Variants in CASD1 observed in about 807,000 individuals in gnomAD.
CASD1 encodes N-acetylneuraminate (7)9-O-acetyltransferase.
CASD1 carries 41 observed loss-of-function variants against 100.0 expected under a neutral mutation model. That is an observed-to-expected ratio of 0.41 (90% CI 0.32 to 0.53). The LOEUF is 0.53. Ranked by LOEUF, CASD1 falls within the 20% of genes least tolerant of loss-of-function variation. CASD1 has a pLI of 0.25. For missense variants in CASD1, 774 were observed against 948.7 expected, an observed-to-expected ratio of 0.82 and a Z score of 2.42; for synonymous variants, 321 against 315.6, an observed-to-expected ratio of 1.02 and a Z score of -0.18.
intron 10 of CASD1, among the ~76,000 whole-genome samples, chr7:94,542,894 C>T (rs902650826): frequency 2.0e-5 from 3 of 152,028 alleles, no homozygotes; most frequent in African/African-American, 7.2e-5. Flanking sequence ...TCTAATAAGT[C>T]ATTTAAAAAG....
intron 1 of CASD1, among the ~76,000 whole-genome samples, chr7:94,512,569 T>C (rs147878430): frequency 2.6e-5 from 4 of 152,360 alleles, no homozygotes; most frequent in African/African-American, 9.6e-5. Flanking sequence ...TGGCGAATAC[T>C]GTGTGCTAAC....
At chr7:94,561,772 G>A (rs1183172546), downstream of CASD1, among the ~76,000 whole-genome samples, 4 of 152,020 alleles carry the variant, frequency 2.6e-5, no homozygotes, top group Admixed American at 6.6e-5. Context: ...GTCATGAACC[G>A]TCAGCTAGCT....
the CASD1 span, chr7:94,621,860 G>A: frequency 6.6e-6 from 1 of 152,166 alleles, no homozygotes; most frequent in African/African-American, 2.4e-5. Context: ...AAAAGCCTTT[G>A]GGGAGTGGCA....
At chr7:94,629,569 T>G in the CASD1 span, 1 of 740,704 alleles carries the variant, frequency 1.4e-6, no homozygotes, top group Non-Finnish European at 2.3e-6. Context: ...ATTTCTAATC[T>G]GTAAATGAGA....
At chr7:94,603,427 C>T in the CASD1 span, 1 of 1,613,332 alleles carries the variant, frequency 6.2e-7, no homozygotes, top group Non-Finnish European at 8.5e-7. Context: ...GAAAACGGGA[C>T]ATCTGCACCA....
chr7:94,549,730 A>T, intron 14 of CASD1, 96 bp downstream of exon 14: 3 of 880,266 alleles, frequency 3.4e-6, no homozygotes, highest in Non-Finnish European at 5.2e-6. Flanking sequence ...TTCAGAATAA[A>T]TAAAGATGTT....
At chr7:94,555,431 A>C in intron 17 of CASD1, 61 bp from the exon 18 acceptor site, 1 of 1,500,624 alleles carries the variant, frequency 6.7e-7, no homozygotes, top group Non-Finnish European at 9.0e-7. Flanking sequence ...TAAATTAGGG[A>C]AAACTGTAAT....
chr7:94,541,616 G>T (rs1795408360), intron 10 of CASD1, among the ~76,000 whole-genome samples: 1 of 125,960 alleles, frequency 7.9e-6, no homozygotes, highest in South Asian at 2.7e-4. Flanking sequence ...CTGAATGAAA[G>T]GTCATGAGAA....
chr7:94,510,046 T>C lies in CASD1; in HGVS notation c.-39T>C, dbSNP rs529108210. ...GTGCTGCCCCTGTGCGGCGCCCCTTTCCCGCTCCGCCGCGCACTGTTGTCA... is the reference window on the plus strand; with the variant it reads ...GTGCTGCCCCTGTGCGGCGCCCCTTCCCCGCTCCGCCGCGCACTGTTGTCA... On this transcript the variant is annotated 5_prime_UTR_variant, in exon 1 of 18. Coordinates refer to ENST00000297273, the MANE Select transcript of CASD1 (RefSeq NM_022900.5). 1.3e-5 allele frequency: 19 copies of C among 1,473,386 alleles called. No individual in the cohort carries two copies. The African/African-American group carries it at 2.5e-4, about 19-fold the overall frequency. 91.3% of individuals were successfully genotyped at this position (1,473,386 alleles called of 1,614,324 possible). A position where few individuals can be genotyped will look rare whatever the true frequency, so the allele number is the denominator to read the frequency against.
At chr7:94,588,271 C>T in the CASD1 span, 6 of 1,042,988 alleles carry the variant, frequency 5.8e-6, no homozygotes, top group South Asian at 7.5e-5. Flanking sequence ...CTCATTTATC[C>T]CCCTGAAGCC....
downstream of CASD1, among the ~76,000 whole-genome samples, chr7:94,561,218 C>T (rs1796334256): frequency 6.6e-6 from 1 of 152,172 alleles, no homozygotes; most frequent in South Asian, 2.1e-4. Flanking sequence ...TGCACTCCAG[C>T]CTGGGCAACA....
intron 17 of CASD1, 61 bp downstream of exon 17, chr7:94,554,636 C>G (rs1426452299): frequency 7.7e-6 from 8 of 1,037,536 alleles, no homozygotes; most frequent in African/African-American, 3.2e-5. Context: ...TGTGTATGTA[C>G]GTGTGTGTGT....
At chr7:94,601,481 A>T in the CASD1 span, among the ~76,000 whole-genome samples, 591 of 145,702 alleles carry the variant, frequency 4.1e-3, 9 homozygotes, top group South Asian at 7.5e-3. Flanking sequence ...AAAAAACTAC[A>T]ACAGTTGCAC....
chr7:94,526,974 A>T lies in CASD1; in HGVS notation c.352-188A>T, dbSNP rs368662821. On this transcript the variant is annotated intron_variant, in intron 3 of 17. Coordinates refer to ENST00000297273, the MANE Select transcript of CASD1 (RefSeq NM_022900.5). ...AAAATCACATGTAGACAATTTAACT[A>T]GTGTCACTTTGTTGTGTTCTATGTC... Among the ~76,000 whole-genome samples the T allele has an allele frequency of 8.5e-5, 13 of 152,302 alleles. 2 individuals carry two copies. Among genetic ancestry groups the T allele is most frequent in the African/African-American group, 3.1e-4 (13 of 41,572 alleles).
rs1794971587 is a variant in CASD1, at chr7:94,533,743, C to T, written c.569C>T (p.Ser190Phe). ...ALSQYKMNIT[S>F]IAPLLEKLAK... Reference sequence around the variant, plus strand: ...TCTCAATATAAAATGAACATCACCTCCATAGCACCACTTTTAGAAAAATTG... The same window carrying T: ...TCTCAATATAAAATGAACATCACCTTCATAGCACCACTTTTAGAAAAATTG... The change falls in exon 7 of 18, where the codon TCC (serine) becomes TTC (phenylalanine). Residue 190 changes from serine to phenylalanine, a missense_variant. Physicochemically the swap from Ser to Phe is radical, Grantham distance 155. This residue lies in a region of CASD1 where 453 missense variants were observed against 532.6 expected (regional missense o/e 0.85). Coordinates refer to ENST00000297273, the MANE Select transcript of CASD1 (RefSeq NM_022900.5). 1 of 1,605,144 alleles carries T rather than the reference C, an allele frequency of 6.2e-7. No homozygotes were observed. Among genetic ancestry groups the T allele is most frequent in the African/African-American group, 1.3e-5 (1 of 74,606 alleles).
At chr7:94,618,383 T>C in the CASD1 span, 1 of 176,692 alleles carries the variant, frequency 5.7e-6, no homozygotes, top group African/African-American at 2.4e-5. Context: ...GATGAAGAAA[T>C]AGTTTCCTAG....
chr7:94,623,349 T>G, the CASD1 span: 1 of 1,602,506 alleles, frequency 6.2e-7, no homozygotes, highest in Non-Finnish European at 8.5e-7. Context: ...ATATTAATTA[T>G]CAAATTATGC....
intron 7 of CASD1, 141 bp downstream of exon 7, chr7:94,533,943 G>T: frequency 1.4e-6 from 1 of 705,760 alleles, no homozygotes; most frequent in Non-Finnish European, 2.1e-6. Context: ...GAGTACACTT[G>T]AGTTATTTGC....
At chr7:94,595,849 A>G in the CASD1 span, among the ~76,000 whole-genome samples, 1 of 152,142 alleles carries the variant, frequency 6.6e-6, no homozygotes, top group African/African-American at 2.4e-5. Flanking sequence ...TGCACATATT[A>G]TCCATTTCTA....
Sources: gnomAD v4.1 joint callset for allele counts (sites outside exome capture counted in the v4.1 genomes callset) on GRCh38, gnomAD v4.1.1 for gene constraint, gnomAD v4.1.1 regional missense constraint, MANE v1.5 for transcripts, NCBI Gene and HGNC (gene_info 2026-07-23, HGNC 2026-07-21) for gene names.